PLCXD3: variants seen among roughly 807,000 people sequenced by gnomAD.
PLCXD3 encodes PI-PLC X domain-containing protein 3.
In PLCXD3, 19 loss-of-function variants were observed where a neutral mutation model predicts 25.5. That is an observed-to-expected ratio of 0.75 (90% CI 0.52 to 1.09). The LOEUF is 1.09. Ranked by LOEUF, PLCXD3 falls within the 50% of genes least tolerant of loss-of-function variation. The pLI is 0.00. For synonymous variants in PLCXD3, 174 were observed against 137.6 expected, an observed-to-expected ratio of 1.26 and a Z score of -1.85; for missense variants, 411 against 388.1, an observed-to-expected ratio of 1.06 and a Z score of -0.50.
intron 2 of PLCXD3, among the ~76,000 whole-genome samples, chr5:41,368,005 G>C (rs575800393): frequency 6.6e-6 from 1 of 151,862 alleles, no homozygotes; most frequent in Non-Finnish European, 1.5e-5. Flanking sequence ...CTATGTGTCT[G>C]TTTTTGGGAA....
intron 2 of PLCXD3, among the ~76,000 whole-genome samples, chr5:41,362,868 G>T (rs1379503955): frequency 7.4e-6 from 1 of 135,986 alleles, no homozygotes. Flanking sequence ...GTAACAAGTC[G>T]AATCTCTCTC....
At chr5:41,448,462 T>C (rs1256601486) in intron 1 of PLCXD3, among the ~76,000 whole-genome samples, 19 of 152,160 alleles carry the variant, frequency 1.2e-4, no homozygotes, top group Admixed American at 1.2e-3. Flanking sequence ...ACTAAGAAAA[T>C]TGATAGAATT....
At chr5:41,470,621 C>T (rs1349900074) in intron 1 of PLCXD3, among the ~76,000 whole-genome samples, 2 of 152,114 alleles carry the variant, frequency 1.3e-5, no homozygotes, top group Non-Finnish European at 2.9e-5. Flanking sequence ...TGGACAAATG[C>T]CACTAAACAG....
chr5:41,478,542 A>G (rs903004646), intron 1 of PLCXD3, among the ~76,000 whole-genome samples: 5 of 152,252 alleles, frequency 3.3e-5, no homozygotes, highest in African/African-American at 1.2e-4. Flanking sequence ...AAAACATGTC[A>G]TAAAATGTAT....
At chr5:41,508,036 G>A (rs1369734825) in intron 1 of PLCXD3, among the ~76,000 whole-genome samples, 3 of 152,142 alleles carry the variant, frequency 2.0e-5, no homozygotes, top group African/African-American at 7.2e-5. Context: ...CAAATTTACA[G>A]AAACATGCGA....
intron 1 of PLCXD3, among the ~76,000 whole-genome samples, chr5:41,427,420 T>G (rs1746986562): frequency 6.6e-6 from 1 of 152,126 alleles, no homozygotes; most frequent in South Asian, 2.1e-4. Flanking sequence ...TATAGAAGTT[T>G]CAAAAAATAT....
chr5:41,423,675 G>C (rs1746881298), intron 1 of PLCXD3, among the ~76,000 whole-genome samples: 1 of 152,056 alleles, frequency 6.6e-6, no homozygotes, highest in East Asian at 1.9e-4. Context: ...GCCGGGCGTG[G>C]TGGATCACGC....
intron 2 of PLCXD3, among the ~76,000 whole-genome samples, chr5:41,328,360 T>C (rs572409588): frequency 4.9e-4 from 75 of 152,112 alleles, no homozygotes; most frequent in Non-Finnish European, 9.8e-4. Context: ...AGTTGTGATA[T>C]AAAAATGAGT....
At chr5:41,362,605 C>T (rs958191267) in intron 2 of PLCXD3, among the ~76,000 whole-genome samples, 1 of 152,134 alleles carries the variant, frequency 6.6e-6, no homozygotes, top group Admixed American at 6.6e-5. Flanking sequence ...GAAAGTTAAA[C>T]AAACTTCACC....
At chr5:41,453,641 T>A (rs979005897) in intron 1 of PLCXD3, among the ~76,000 whole-genome samples, 9 of 152,038 alleles carry the variant, frequency 5.9e-5, no homozygotes, top group Admixed American at 5.9e-4. Flanking sequence ...TAGTTACTTA[T>A]GTTTTATAGA....
At chr5:41,453,282 C>T (rs138153513) in intron 1 of PLCXD3, among the ~76,000 whole-genome samples, 2 of 151,812 alleles carry the variant, frequency 1.3e-5, no homozygotes, top group East Asian at 3.9e-4. Flanking sequence ...TATTCTTATG[C>T]CAAAGAGATG....
intron 2 of PLCXD3, among the ~76,000 whole-genome samples, 184 bp from the exon 3 acceptor site, chr5:41,313,954 G>A (rs530594424): frequency 2.6e-5 from 4 of 152,178 alleles, no homozygotes; most frequent in African/African-American, 9.7e-5. Context: ...CTCTGCAGGA[G>A]AAATATTCAC....
At chr5:41,441,141 T>C (rs1747375473) in intron 1 of PLCXD3, among the ~76,000 whole-genome samples, 1 of 152,188 alleles carries the variant, frequency 6.6e-6, no homozygotes, top group African/African-American at 2.4e-5. Flanking sequence ...ATAGTTCAAC[T>C]GGGCTTTCGG....
intron 1 of PLCXD3, chr5:41,475,651 G>T: frequency 1.9e-6 from 1 of 534,690 alleles, no homozygotes; most frequent in Non-Finnish European, 3.8e-6. Context: ...GTTTGTCCCT[G>T]TTCAGGCGCC....
rs373244601 is a variant in PLCXD3 at position 41,428,374 on chromosome 5, G to GTTTTTTTTTTTTTTTTTTT, written c.104-45841_104-45840insAAAAAAAAAAAAAAAAAAA. On this transcript the variant is annotated intron_variant, in intron 1 of 2. Transcript: ENST00000377801. ...TAAAGAGGTGATTAAGTTAAAATGA[G>GTTTTTTTTTTTTTTTTTTT]TTTTTTTGTTTTTGTTTTTGTTTTT... is the stretch of plus-strand genomic sequence containing the variant. Among the ~76,000 whole-genome samples, 4 of 91,600 alleles carry GTTTTTTTTTTTTTTTTTTT rather than the reference G, an allele frequency of 4.4e-5. 1 individual carries two copies. The highest frequency in any genetic ancestry group is 7.0e-5 in the Non-Finnish European group (3 of 43,082). 60.1% of individuals were successfully genotyped at this position (91,600 alleles called of 152,430 possible). A position where few individuals can be genotyped will look rare whatever the true frequency, so the allele number is the denominator to read the frequency against.
At chr5:41,316,671 C>T (rs2150468142) in intron 2 of PLCXD3, among the ~76,000 whole-genome samples, 1 of 152,242 alleles carries the variant, frequency 6.6e-6, no homozygotes, top group East Asian at 1.9e-4. Context: ...CCACCAGAAG[C>T]AGACTTAAGA....
chr5:41,397,145 G>A (rs939131985), intron 1 of PLCXD3, among the ~76,000 whole-genome samples: 3 of 152,302 alleles, frequency 2.0e-5, no homozygotes, highest in African/African-American at 4.8e-5. Context: ...AGGCAATGGG[G>A]AAAATATTGC....
intron 2 of PLCXD3, among the ~76,000 whole-genome samples, chr5:41,362,889 G>A (rs1744828021): frequency 1.3e-5 from 2 of 152,084 alleles, no homozygotes; most frequent in African/African-American, 4.8e-5. Context: ...AACAGTTAGT[G>A]TTCATGAATG....
intron 1 of PLCXD3, among the ~76,000 whole-genome samples, chr5:41,444,602 G>A (rs541384912): frequency 1.4e-4 from 21 of 152,228 alleles, no homozygotes; most frequent in African/African-American, 4.3e-4. Context: ...TGCAATACAT[G>A]CTGGAAAGCT....
Sources: gnomAD v4.1 joint callset for allele counts (sites outside exome capture counted in the v4.1 genomes callset) on GRCh38, gnomAD v4.1.1 for gene constraint, MANE v1.5 for transcripts, NCBI Gene and HGNC (gene_info 2026-07-23, HGNC 2026-07-21) for gene names.